The following CACNA1C variants were observed in gnomAD, a reference collection of about 807,000 sequenced individuals.
CACNA1C encodes calcium voltage-gated channel subunit alpha1 C.
Under a neutral mutation model 229.0 loss-of-function variants are expected in CACNA1C, and 30 were observed. That is an observed-to-expected ratio of 0.13 (90% CI 0.10 to 0.18). CACNA1C has a LOEUF of 0.18. Ranked by LOEUF, CACNA1C falls within the 10% of genes least tolerant of loss-of-function variation. CACNA1C has a pLI of 1.00. For synonymous variants in CACNA1C, 1,114 were observed against 1,132.5 expected (o/e 0.98, Z 0.33); for missense variants, 1,658 against 2,845.0 (o/e 0.58, Z 9.49).
intron 3 of CACNA1C, among the ~76,000 whole-genome samples, chr12:2,182,682 G>A (rs1400836370): frequency 6.6e-6 from 1 of 152,152 alleles, no homozygotes; most frequent in Non-Finnish European, 1.5e-5. Flanking sequence ...CTGGAAGTGT[G>A]CTAGGGACTG....
chr12:2,691,800 C>T lies in CACNA1C; in HGVS notation c.*601C>T, dbSNP rs1222730122. 6.6e-6 allele frequency: 1 copy of T among 152,330 alleles called. No individual in the cohort carries two copies. Among genetic ancestry groups the T allele is most frequent in the Non-Finnish European group, 1.5e-5 (1 of 68,154 alleles). The allele number at this position is 152,330 out of a possible 1,614,324, so 9.4% of individuals were successfully genotyped here. ...GATCCCCCGACCGGCACGGGCCACG[C>T]CGAGCTCCCGGCCAGCCGCCGGCCC... On this transcript the variant is annotated 3_prime_UTR_variant, in exon 47 of 47. Coordinates refer to ENST00000399655, the MANE Select transcript of CACNA1C (RefSeq NM_000719.7).
At chr12:2,397,858 C>T (rs932389089) in intron 3 of CACNA1C, among the ~76,000 whole-genome samples, 2 of 152,260 alleles carry the variant, frequency 1.3e-5, no homozygotes, top group East Asian at 1.9e-4. Context: ...AGTTAGCTCT[C>T]GGGCAGCTAG....
At chr12:2,397,985 C>A (rs1197029974) in intron 3 of CACNA1C, among the ~76,000 whole-genome samples, 3 of 152,242 alleles carry the variant, frequency 2.0e-5, no homozygotes, top group Non-Finnish European at 4.4e-5. Context: ...CCCTGCCTAG[C>A]CCCTGGGCCT....
At chr12:2,153,803 T>G (rs1270144634) in intron 3 of CACNA1C, among the ~76,000 whole-genome samples, 1 of 152,208 alleles carries the variant, frequency 6.6e-6, no homozygotes, top group Non-Finnish European at 1.5e-5. Context: ...CTTGTCTATT[T>G]GGAGCACACA....
intron 1 of CACNA1C, among the ~76,000 whole-genome samples, chr12:1,980,642 A>C (rs1008033980): frequency 3.7e-5 from 4 of 107,326 alleles, no homozygotes; most frequent in Non-Finnish European, 6.4e-5. Context: ...AATGCTTATA[A>C]GTGTCATTTT....
intron 3 of CACNA1C, among the ~76,000 whole-genome samples, chr12:2,165,937 A>G (rs1036859934): frequency 1.3e-5 from 2 of 152,238 alleles, no homozygotes; most frequent in Non-Finnish European, 2.9e-5. Context: ...CAGAAAGCCA[A>G]ACTTTAATAA....
chr12:2,690,462 T>C (rs897691042), intron 46 of CACNA1C, among the ~76,000 whole-genome samples: 1 of 152,214 alleles, frequency 6.6e-6, no homozygotes, highest in Non-Finnish European at 1.5e-5. Context: ...CTGGCCTTGC[T>C]AAGATCACAG....
intron 3 of CACNA1C, among the ~76,000 whole-genome samples, chr12:2,424,653 ACT>A (rs1191378187): frequency 6.6e-6 from 1 of 151,678 alleles, no homozygotes; most frequent in African/African-American, 2.4e-5. Context: ...CAGTGCAGAA[ACT>A]CACTTCTCCA....
rs564270959 is a variant in CACNA1C at position 2,490,626 on chromosome 12, A to G, written c.917-2564A>G. Among the ~76,000 whole-genome samples the G allele has an allele frequency of 1.4e-4, 21 of 152,132 alleles. 1 individual carries two copies. Among genetic ancestry groups the G allele is most frequent in the Admixed American group, 1.4e-3 (21 of 15,282 alleles). ...TGGTTTTCCAGTCTCTCAGCTCCCA[A>G]ATTTTTCGGTGCTTATTATCCACTT... On this transcript the variant is annotated intron_variant, in intron 6 of 46. Transcript: ENST00000399655.
At chr12:2,134,558 A>T in intron 3 of CACNA1C, among the ~76,000 whole-genome samples, 3 of 134,840 alleles carry the variant, frequency 2.2e-5, no homozygotes, top group Non-Finnish European at 4.8e-5. Flanking sequence ...TTTCTCCTTC[A>T]CTTATGAAGC....
chr12:2,028,931 T>C (rs1316570012), intron 1 of CACNA1C, among the ~76,000 whole-genome samples: 2 of 152,236 alleles, frequency 1.3e-5, no homozygotes, highest in African/African-American at 4.8e-5. Context: ...AGATACTCTG[T>C]AGTGTGTCAG....
chr12:2,135,540 C>T (rs1252858331), intron 3 of CACNA1C, among the ~76,000 whole-genome samples: 1 of 131,694 alleles, frequency 7.6e-6, no homozygotes, highest in Non-Finnish European at 1.5e-5. Context: ...GGACCCTCAG[C>T]TGCAGGTCTG....
At chr12:2,333,257 C>T (rs1475740783) in intron 3 of CACNA1C, among the ~76,000 whole-genome samples, 1 of 152,166 alleles carries the variant, frequency 6.6e-6, no homozygotes, top group Non-Finnish European at 1.5e-5. Context: ...TTACCCAAGG[C>T]CAGTGTGTAG....
At chr12:2,144,050 G>A (rs2094502589) in intron 3 of CACNA1C, among the ~76,000 whole-genome samples, 1 of 151,342 alleles carries the variant, frequency 6.6e-6, no homozygotes, top group Non-Finnish European at 1.5e-5. Flanking sequence ...AAGATGAACT[G>A]ATCCCTGCTC....
chr12:2,298,807 A>G (rs890603325), intron 3 of CACNA1C, among the ~76,000 whole-genome samples: 1 of 152,208 alleles, frequency 6.6e-6, no homozygotes, highest in Non-Finnish European at 1.5e-5. Context: ...TTTGGACCAC[A>G]GTGGACCCAT....
Position 2,583,075 on chromosome 12 carries a change from G to A in CACNA1C, c.2224+133G>A, listed in dbSNP as rs1306886137. The A allele has an allele frequency of 1.3e-5, 8 of 633,088 alleles. No individual in the cohort carries two copies. The African/African-American group carries it at 1.3e-4, about 10-fold the overall frequency. 39.2% of individuals were successfully genotyped at this position (633,088 alleles called of 1,614,324 possible). ...ACCACCCAGCCTAGAACCCCATGGC[G>A]GCGGAGGTGGGTCTGGGTGGAAACC... On this transcript the variant is annotated intron_variant, in intron 15 of 46. Coordinates refer to ENST00000399655, the MANE Select transcript of CACNA1C (RefSeq NM_000719.7).
intron 3 of CACNA1C, among the ~76,000 whole-genome samples, chr12:2,231,665 C>G (rs976055687): frequency 6.6e-6 from 1 of 152,108 alleles, no homozygotes; most frequent in Non-Finnish European, 1.5e-5. Context: ...AAGCAGCGCC[C>G]GGTACACACC....
Position 2,652,606 on chromosome 12 carries a change from C to T in CACNA1C, c.4074+838C>T, listed in dbSNP as rs140620074. The stretch of plus-strand genomic sequence containing the variant: ...TGCCCCACCCTGGCCAGTCCCTGCC[C>T]GGGGACAGGGCATGCCTGGGCCTGG... On this transcript the variant is annotated intron_variant, in intron 32 of 46. Transcript: ENST00000399655. Among the ~76,000 whole-genome samples the T allele has an allele frequency of 2.0e-4, 30 of 152,342 alleles. No individual in the cohort carries two copies. In the East Asian group the frequency reaches 2.5e-3, roughly 13 times the overall value.
intron 9 of CACNA1C, among the ~76,000 whole-genome samples, chr12:2,524,848 A>G (rs2283322): frequency 0.16 from 23,703 of 152,204 alleles, 2,155 homozygotes; most frequent in East Asian, 0.24. Flanking sequence ...AGAGCAGCTA[A>G]CTAAGTGCTC....
Sources: gnomAD v4.1 joint callset for allele counts (sites outside exome capture counted in the v4.1 genomes callset) on GRCh38, gnomAD v4.1.1 for gene constraint, MANE v1.5 for transcripts, NCBI Gene and HGNC (gene_info 2026-07-23, HGNC 2026-07-21) for gene names.